Variants in IGFL2 observed in about 807,000 individuals in gnomAD.
IGFL2 encodes the protein IGF like family member 2, also known as insulin growth factor-like family member 2.
IGFL2 carries 7 observed loss-of-function variants against 13.9 expected under a neutral mutation model. The observed-to-expected ratio is 0.51, with a 90% CI of 0.29 to 0.95. The LOEUF is 0.95. Among genes scored for constraint, IGFL2 ranks in the 40% least tolerant of loss-of-function variants. The pLI is 0.08. For synonymous variants in IGFL2, 55 were observed against 55.8 expected, an observed-to-expected ratio of 0.99 and a Z score of 0.07; for missense variants, 138 against 147.8, an observed-to-expected ratio of 0.93 and a Z score of 0.34.
chr19:46,186,745 A>C, the IGFL2 span, among the ~76,000 whole-genome samples: 1 of 152,284 alleles, frequency 6.6e-6, no homozygotes, highest in African/African-American at 2.4e-5. Flanking sequence ...TTAATTAGCA[A>C]ATTAGGCGTC....
At chr19:46,151,860 C>T (rs1169915725) in intron 1 of IGFL2, among the ~76,000 whole-genome samples, 2 of 152,130 alleles carry the variant, frequency 1.3e-5, no homozygotes, top group Non-Finnish European at 2.9e-5. Context: ...TGCAGTGAGT[C>T]ATGATCACGC....
chr19:46,118,578 A>G, the IGFL2 span, among the ~76,000 whole-genome samples: 3 of 152,210 alleles, frequency 2.0e-5, no homozygotes, highest in Admixed American at 1.3e-4. Flanking sequence ...TGCTCCAGAA[A>G]GGGAACCCCC....
chr19:46,081,619 A>C, the IGFL2 span, among the ~76,000 whole-genome samples: 1 of 152,144 alleles, frequency 6.6e-6, no homozygotes, highest in African/African-American at 2.4e-5. Flanking sequence ...GTCTGTGTAT[A>C]TGCAGCCTAG....
At chr19:46,143,078 A>G (rs1453452360), upstream of IGFL2, 1 of 152,214 alleles carries the variant, frequency 6.6e-6, no homozygotes, top group Admixed American at 6.5e-5. Context: ...TGAACTATGC[A>G]GGTCCATTTG....
At chr19:46,171,551 C>T in the IGFL2 span, among the ~76,000 whole-genome samples, 2 of 152,150 alleles carry the variant, frequency 1.3e-5, no homozygotes, top group Non-Finnish European at 2.9e-5. Context: ...CATTTTCTGT[C>T]AGGGCAAATT....
the IGFL2 span, chr19:46,101,221 C>T: frequency 6.6e-6 from 1 of 152,608 alleles, no homozygotes; most frequent in Non-Finnish European, 1.5e-5. Flanking sequence ...ATCCGGGACC[C>T]ACTTAATGAA....
At chr19:46,109,437 C>T in the IGFL2 span, among the ~76,000 whole-genome samples, 4 of 151,998 alleles carry the variant, frequency 2.6e-5, no homozygotes, top group Admixed American at 1.3e-4. Context: ...GCCTCAGCCT[C>T]CCGAGTAGCT....
chr19:46,122,141 G>A, the IGFL2 span, among the ~76,000 whole-genome samples: 1 of 150,870 alleles, frequency 6.6e-6, no homozygotes, highest in African/African-American at 2.5e-5. Context: ...TTTGGTTGAA[G>A]CCCTCAAAAT....
the IGFL2 span, among the ~76,000 whole-genome samples, chr19:46,178,545 T>G: frequency 6.6e-6 from 1 of 151,986 alleles, no homozygotes; most frequent in Non-Finnish European, 1.5e-5. Context: ...TAAATGAGAG[T>G]CTGACACCTT....
upstream of IGFL2, among the ~76,000 whole-genome samples, chr19:46,147,126 C>T (rs1159389885): frequency 1.3e-5 from 2 of 152,136 alleles, no homozygotes; most frequent in Non-Finnish European, 2.9e-5. Flanking sequence ...CTGTCTGTTC[C>T]TTTTCTGTTC....
chr19:46,105,791 A>G, the IGFL2 span, among the ~76,000 whole-genome samples: 2 of 152,200 alleles, frequency 1.3e-5, no homozygotes, highest in Admixed American at 6.5e-5. Flanking sequence ...GATGAGGGCT[A>G]GTCTAAAACA....
At chr19:46,135,887 T>C in the IGFL2 span, among the ~76,000 whole-genome samples, 255 of 152,356 alleles carry the variant, frequency 1.7e-3, no homozygotes, top group Non-Finnish European at 2.7e-3. Flanking sequence ...GCAAACACTT[T>C]CTTTTCTTTA....
chr19:46,205,190 C>A, the IGFL2 span, among the ~76,000 whole-genome samples: 1 of 152,134 alleles, frequency 6.6e-6, no homozygotes, highest in Non-Finnish European at 1.5e-5. Flanking sequence ...TAAGGTTTTT[C>A]TTTTAATGAA....
chr19:46,099,521 T>TTTTC, the IGFL2 span, among the ~76,000 whole-genome samples: 1,965 of 151,914 alleles, frequency 0.013, 32 homozygotes, highest in Middle Eastern at 0.027. Flanking sequence ...TGTTTGCTCT[T>TTTTC]TTTCTTTCTT....
intron 1 of IGFL2, among the ~76,000 whole-genome samples, chr19:46,153,841 T>TA (rs1568427982): frequency 2.6e-4 from 39 of 147,178 alleles, no homozygotes; most frequent in South Asian, 1.5e-3. Flanking sequence ...ATATATATAT[T>TA]TTTTTTACTT....
upstream of IGFL2, among the ~76,000 whole-genome samples, chr19:46,142,542 A>G (rs1055079368): frequency 2.7e-5 from 4 of 150,928 alleles, no homozygotes; most frequent in Admixed American, 6.6e-5. Context: ...TGAAAAAACA[A>G]TGCACTGTGA....
chr19:46,110,232 C>G, the IGFL2 span, among the ~76,000 whole-genome samples: 4 of 152,198 alleles, frequency 2.6e-5, no homozygotes, highest in Admixed American at 1.3e-4. Context: ...TCATGCCACT[C>G]AGAAGAAGGT....
At chr19:46,173,207 A>G in the IGFL2 span, among the ~76,000 whole-genome samples, 3 of 152,208 alleles carry the variant, frequency 2.0e-5, no homozygotes, top group Non-Finnish European at 4.4e-5. Context: ...TCTGTTGTCA[A>G]CGTGTCCCCA....
At chr19:46,112,050 T>C in the IGFL2 span, 1 of 152,204 alleles carries the variant, frequency 6.6e-6, no homozygotes, top group South Asian at 2.1e-4. Context: ...TCTACGACTT[T>C]CAAAGCTAGG....
Sources: gnomAD v4.1 joint callset for allele counts (sites outside exome capture counted in the v4.1 genomes callset) on GRCh38, gnomAD v4.1.1 for gene constraint, MANE v1.5 for transcripts, NCBI Gene and HGNC (gene_info 2026-07-23, HGNC 2026-07-21) for gene names.